The following PDE7B variants were observed in gnomAD, a reference collection of about 807,000 sequenced individuals.
PDE7B encodes 3',5'-cyclic-AMP phosphodiesterase 7B.
In PDE7B, 29 loss-of-function variants were observed where a neutral mutation model predicts 56.2. The ratio of observed to expected loss-of-function variants is 0.52; its 90% confidence interval spans 0.38 to 0.70. PDE7B has a LOEUF of 0.70. Ranked by LOEUF, PDE7B falls within the 30% of genes least tolerant of loss-of-function variation. The probability of loss-of-function intolerance (pLI) is 0.00; values close to 1 mark genes in which losing one functional copy is unlikely to be tolerated. For synonymous variants in PDE7B, 197 were observed against 196.9 expected, an observed-to-expected ratio of 1.00 and a Z score of 0.00; for missense variants, 490 against 565.0, an observed-to-expected ratio of 0.87 and a Z score of 1.35.
At chr6:136,160,315 C>T (rs974860026) in intron 8 of PDE7B, among the ~76,000 whole-genome samples, 1 of 152,180 alleles carries the variant, frequency 6.6e-6, no homozygotes, top group Admixed American at 6.5e-5. Flanking sequence ...GGTATCCTCT[C>T]ACCACATGTT....
chr6:135,906,825 T>TTTTTTTTTTTTTTTTTTTGTTTTTTTTTG (rs1562434131), intron 1 of PDE7B, among the ~76,000 whole-genome samples: 2 of 145,854 alleles, frequency 1.4e-5, no homozygotes, highest in African/African-American at 5.2e-5. Flanking sequence ...TTTTTTTTTT[T>TTTTTTTTTTTTTTTTTTTGTTTTTTTTTG]TTTTTTTTTT....
chr6:135,963,266 A>G (rs1774939329), intron 2 of PDE7B, among the ~76,000 whole-genome samples: 1 of 152,160 alleles, frequency 6.6e-6, no homozygotes, highest in Admixed American at 6.5e-5. Flanking sequence ...TAAGAGACAA[A>G]CAAAAGGCAA....
At chr6:136,157,846 A>G (rs559738339) in intron 8 of PDE7B, among the ~76,000 whole-genome samples, 3 of 152,252 alleles carry the variant, frequency 2.0e-5, no homozygotes, top group African/African-American at 4.8e-5. Context: ...AAATTCCACA[A>G]CTCCAGAATA....
At chr6:135,871,020 A>T (rs970389130) in intron 1 of PDE7B, among the ~76,000 whole-genome samples, 3 of 152,140 alleles carry the variant, frequency 2.0e-5, no homozygotes, top group Non-Finnish European at 4.4e-5. Flanking sequence ...CTCTTTAGAC[A>T]TTCTTACTGG....
At chr6:135,961,782 TC>T (rs1774907321) in intron 2 of PDE7B, among the ~76,000 whole-genome samples, 1 of 152,214 alleles carries the variant, frequency 6.6e-6, no homozygotes, top group Non-Finnish European at 1.5e-5. Context: ...TTTCATTTTT[TC>T]TTTCTCAACA....
chr6:135,973,762 T>G (rs972461633), intron 2 of PDE7B, among the ~76,000 whole-genome samples: 5 of 152,254 alleles, frequency 3.3e-5, no homozygotes, highest in African/African-American at 9.6e-5. Flanking sequence ...TTGGCCATTT[T>G]TATATGTTTT....
intron 3 of PDE7B, among the ~76,000 whole-genome samples, chr6:136,135,647 AT>A (rs1326324685): frequency 6.6e-6 from 1 of 151,976 alleles, no homozygotes; most frequent in Admixed American, 6.6e-5. Context: ...ACCACTGGTG[AT>A]TTCTGAAAGA....
At chr6:135,856,364 C>A (rs1462095921) in intron 1 of PDE7B, among the ~76,000 whole-genome samples, 1 of 152,200 alleles carries the variant, frequency 6.6e-6, no homozygotes, top group Non-Finnish European at 1.5e-5. Flanking sequence ...AGACAAACGT[C>A]TTTTTCCTAA....
At chr6:135,853,822 A>G (rs903310724) in intron 1 of PDE7B, among the ~76,000 whole-genome samples, 11 of 152,136 alleles carry the variant, frequency 7.2e-5, no homozygotes, top group African/African-American at 2.2e-4. Context: ...ACACGAGTGC[A>G]TCATTTAATG....
chr6:135,982,485 G>A (rs757841159), intron 2 of PDE7B, among the ~76,000 whole-genome samples: 8 of 152,144 alleles, frequency 5.3e-5, no homozygotes, highest in African/African-American at 7.2e-5. Context: ...GATCTGGTGC[G>A]CATCCCTTGT....
At chr6:136,190,011 A>T (rs1031539146) in intron 12 of PDE7B, among the ~76,000 whole-genome samples, 1 of 152,216 alleles carries the variant, frequency 6.6e-6, no homozygotes, top group East Asian at 1.9e-4. Context: ...GTTGGATTTT[A>T]AAATGTTGGA....
At chr6:136,006,988 G>A (rs974181878) in intron 2 of PDE7B, among the ~76,000 whole-genome samples, 1 of 152,180 alleles carries the variant, frequency 6.6e-6, no homozygotes, top group Non-Finnish European at 1.5e-5. Context: ...TCTTCTGTCA[G>A]TTTTCAAGAG....
chr6:136,123,009 G>A (rs908316225), intron 3 of PDE7B, among the ~76,000 whole-genome samples: 3 of 152,254 alleles, frequency 2.0e-5, no homozygotes, highest in East Asian at 1.9e-4. Context: ...TGTGTCAGGC[G>A]CTCTTCTAAT....
intron 2 of PDE7B, among the ~76,000 whole-genome samples, chr6:136,063,505 T>A (rs1776880115): frequency 6.6e-6 from 1 of 152,208 alleles, no homozygotes; most frequent in Admixed American, 6.5e-5. Flanking sequence ...ACTGCAGTAG[T>A]CCCCTACCTG....
chr6:136,024,324 G>A (rs965710838), intron 2 of PDE7B, among the ~76,000 whole-genome samples: 5 of 152,170 alleles, frequency 3.3e-5, no homozygotes, highest in East Asian at 3.9e-4. Flanking sequence ...GCAGCCGATC[G>A]CCTCCAGGGG....
chr6:136,082,304 G>A (rs942809001), intron 2 of PDE7B, among the ~76,000 whole-genome samples: 1 of 152,134 alleles, frequency 6.6e-6, no homozygotes, highest in Non-Finnish European at 1.5e-5. Flanking sequence ...TGCTCCATAC[G>A]TTGCTGCAGT....
intron 2 of PDE7B, among the ~76,000 whole-genome samples, chr6:136,056,211 A>C (rs1776727944): frequency 6.6e-6 from 1 of 152,192 alleles, no homozygotes; most frequent in African/African-American, 2.4e-5. Context: ...GACAGTTGCT[A>C]TACGTCTTCA....
At chr6:135,998,051 A>G (rs748430271) in intron 2 of PDE7B, among the ~76,000 whole-genome samples, 2 of 152,230 alleles carry the variant, frequency 1.3e-5, no homozygotes, top group Admixed American at 6.5e-5. Context: ...GTGTATTGAT[A>G]GAATATGGCC....
chr6:136,022,589 T>C (rs961134270), intron 2 of PDE7B, among the ~76,000 whole-genome samples: 2 of 152,220 alleles, frequency 1.3e-5, no homozygotes, highest in Non-Finnish European at 2.9e-5. Context: ...AGCAGTTCCA[T>C]CCTTTGAGCT....
Sources: allele counts gnomAD v4.1 joint callset (sites outside exome capture counted in the v4.1 genomes callset), GRCh38; gene constraint gnomAD v4.1.1; transcripts MANE v1.5; gene names NCBI Gene and HGNC (gene_info 2026-07-23, HGNC 2026-07-21).